Variants in ITPK1 observed in about 807,000 individuals in gnomAD.
The protein encoded by ITPK1 is inositol-tetrakisphosphate 1-kinase.
In ITPK1, 21 loss-of-function variants were observed where a neutral mutation model predicts 45.3. The observed-to-expected ratio is 0.46, with a 90% CI of 0.33 to 0.67. The LOEUF (loss-of-function observed/expected upper bound fraction) is 0.67. ITPK1 is among the 30% of genes least tolerant of loss of function. The pLI, the probability that ITPK1 is intolerant of heterozygous loss-of-function variation, is 0.02. For missense variants in ITPK1, 474 were observed against 573.5 expected, an observed-to-expected ratio of 0.83 and a Z score of 1.77; for synonymous variants, 258 against 253.6, an observed-to-expected ratio of 1.02 and a Z score of -0.16.
chr14:92,974,895 G>C (rs117619788), intron 5 of ITPK1, among the ~76,000 whole-genome samples: 4,609 of 152,334 alleles, frequency 0.03, 90 homozygotes, highest in Non-Finnish European at 0.047. Flanking sequence ...AGGAGGAGCG[G>C]GGGTGTGAGA....
chr14:92,945,285 G>A (rs537908441), intron 10 of ITPK1, among the ~76,000 whole-genome samples: 11 of 152,344 alleles, frequency 7.2e-5, no homozygotes, highest in African/African-American at 1.4e-4. Flanking sequence ...TGCTGTGGCC[G>A]GTGCTGCTGA....
intron 3 of ITPK1, among the ~76,000 whole-genome samples, chr14:93,044,468 C>T (rs745550976): frequency 4.6e-5 from 7 of 152,360 alleles, no homozygotes; most frequent in Non-Finnish European, 8.8e-5. Context: ...CGAACACTGG[C>T]ATCCCTCTGC....
At chr14:93,115,447 G>C (rs1232697670) in intron 1 of ITPK1, 142 bp from the exon 2 acceptor site, 1 of 148,760 alleles carries the variant, frequency 6.7e-6, no homozygotes, top group African/African-American at 2.4e-5. Context: ...CCGCCCACCG[G>C]CTCGCGAGCG....
rs768949375 is a variant in ITPK1 at position 92,958,184 on chromosome 14, G to C, written c.670+17C>G. ...CCTGAGTCTTGCTCAGCCCAAGATGGTGAGAAGAGCAGTTACCTGATGTGC... is the reference window on the plus strand; with the variant it reads ...CCTGAGTCTTGCTCAGCCCAAGATGCTGAGAAGAGCAGTTACCTGATGTGC... On this transcript the variant is annotated intron_variant, in intron 8 of 10. Coordinates refer to ENST00000267615, the MANE Select transcript of ITPK1 (RefSeq NM_014216.6). This position sits in a 1 kb window ranked among gnomAD's most constrained non-coding sequence, Gnocchi z 4.4. 4.3e-6 allele frequency: 7 copies of C among 1,613,668 alleles called. No homozygotes were observed. Among genetic ancestry groups the C allele is most frequent in the Non-Finnish European group, 1.7e-6 (2 of 1,179,608 alleles).
intron 2 of ITPK1, among the ~76,000 whole-genome samples, chr14:93,092,951 A>G (rs1891923007): frequency 6.6e-6 from 1 of 152,188 alleles, no homozygotes; most frequent in Non-Finnish European, 1.5e-5. Context: ...GCGTGCCTCC[A>G]GGGTGCCCCA....
Position 93,076,701 on chromosome 14 carries a change from G to A in ITPK1, c.96-82C>T. On this transcript the variant is annotated intron_variant, in intron 2 of 10. Transcript: ENST00000267615. The surrounding 1 kb of genome is among the most constrained non-coding windows in gnomAD (Gnocchi z 4.3). Reference sequence around the variant, plus strand: ...CCGAAGGTTCCCGACAGCCGGCTGAGGGCAGGACCATGAGAGGGTTTCAGG... The same window carrying A: ...CCGAAGGTTCCCGACAGCCGGCTGAAGGCAGGACCATGAGAGGGTTTCAGG... 1 of 1,562,502 alleles carries A rather than the reference G, an allele frequency of 6.4e-7. No individual in the cohort carries two copies. The highest frequency in any genetic ancestry group is 1.1e-5 in the South Asian group (1 of 89,940).
intron 3 of ITPK1, among the ~76,000 whole-genome samples, chr14:93,050,188 C>T (rs928795391): frequency 6.6e-6 from 1 of 152,162 alleles, no homozygotes; most frequent in African/African-American, 2.4e-5. Flanking sequence ...GGGTTGCACT[C>T]GGTGCATTTT....
At chr14:92,956,439 T>C (rs553892068) in intron 8 of ITPK1, among the ~76,000 whole-genome samples, 1 of 152,228 alleles carries the variant, frequency 6.6e-6, no homozygotes, top group East Asian at 1.9e-4. Context: ...TCTCCTGGTA[T>C]GCATTTTATG....
chr14:93,026,723 G>C (rs895064878), intron 3 of ITPK1, among the ~76,000 whole-genome samples: 2 of 152,158 alleles, frequency 1.3e-5, no homozygotes, highest in Admixed American at 1.3e-4. Context: ...AACAAGAAGG[G>C]ACTGAATCAC....
chr14:92,988,737 C>T lies in ITPK1; in HGVS notation c.364+5143G>A, dbSNP rs576706527. Among the ~76,000 whole-genome samples the T allele has an allele frequency of 5.3e-5, 8 of 152,324 alleles. No individual in the cohort carries two copies. In the East Asian group the frequency reaches 1.2e-3, roughly 22 times the overall value. ...GTGGATTCTGATCCCAAATCTGCCC[C>T]ACTAGCTCTGTGACCTCAAGTAACT... On this transcript the variant is annotated intron_variant, in intron 5 of 10. Transcript: ENST00000267615.
At chr14:92,954,035 A>G (rs1888083596) in intron 8 of ITPK1, among the ~76,000 whole-genome samples, 1 of 152,192 alleles carries the variant, frequency 6.6e-6, no homozygotes, top group Non-Finnish European at 1.5e-5. Context: ...GTGGGATTAC[A>G]GGCACCTGCC....
intron 2 of ITPK1, among the ~76,000 whole-genome samples, chr14:93,108,686 C>T (rs1246145648): frequency 6.6e-6 from 1 of 152,254 alleles, no homozygotes; most frequent in Non-Finnish European, 1.5e-5. Flanking sequence ...TTGGGACTGA[C>T]ATATTGAAAT....
rs1462731326 is a variant in ITPK1 at position 93,115,082 on chromosome 14, C to T, written c.82G>A (p.Ala28Thr). The T allele has an allele frequency of 1.3e-6, 2 of 1,599,146 alleles. No individual in the cohort carries two copies. The highest frequency in any genetic ancestry group is 2.3e-5 in the East Asian group (1 of 42,852). Reference protein sequence around the residue: ...KIKKLNFQAFAELCRKRGMEV... With the variant: ...KIKKLNFQAFTELCRKRGMEV... The stretch of plus-strand genomic sequence containing the variant: ...GTCCCTCCTTACCTGCACAGCTCGG[C>T]GAAGGCCTGGAAATTCAGCTTCTTG... Residue 28 changes from alanine to threonine, a missense_variant, in exon 2 of 11, where the codon GCC becomes ACC. Ala to Thr is a moderately conservative substitution (Grantham distance 58). Coordinates refer to ENST00000267615, the MANE Select transcript of ITPK1 (RefSeq NM_014216.6).
intron 5 of ITPK1, among the ~76,000 whole-genome samples, chr14:92,974,551 A>G (rs1180679171): frequency 6.6e-6 from 1 of 152,180 alleles, no homozygotes; most frequent in Non-Finnish European, 1.5e-5. Flanking sequence ...CGATGCATAC[A>G]TGTAGGACAC....
chr14:92,979,103 A>G (rs1315632399), intron 5 of ITPK1, among the ~76,000 whole-genome samples: 4 of 152,236 alleles, frequency 2.6e-5, no homozygotes, highest in African/African-American at 9.6e-5. Context: ...TGGATGTGAG[A>G]CATGGAGTCA....
chr14:93,073,324 G>A (rs1212848649), intron 3 of ITPK1, among the ~76,000 whole-genome samples: 1 of 152,222 alleles, frequency 6.6e-6, no homozygotes, highest in African/African-American at 2.4e-5. Flanking sequence ...AGGTGAAGAG[G>A]CACAGGGGTG....
intron 5 of ITPK1, among the ~76,000 whole-genome samples, chr14:92,972,038 C>G (rs1226095359): frequency 5.9e-5 from 9 of 152,174 alleles, no homozygotes; most frequent in Admixed American, 5.9e-4. Flanking sequence ...TCCAGGAAGC[C>G]CCTTGTTGGT....
chr14:93,084,453 T>C lies in ITPK1; in HGVS notation c.96-7834A>G, dbSNP rs185052522. Among the ~76,000 whole-genome samples, 6 of 152,328 alleles carry C rather than the reference T, an allele frequency of 3.9e-5. No individual in the cohort carries two copies. In the East Asian group the frequency reaches 1.2e-3, roughly 29 times the overall value. Reference sequence around the variant, plus strand: ...ATCCAGCACAAAAGGTCCACAGTGCTGAACTTAAGAAGTGGGATACACACT... The same window carrying C: ...ATCCAGCACAAAAGGTCCACAGTGCCGAACTTAAGAAGTGGGATACACACT... On this transcript the variant is annotated intron_variant, in intron 2 of 10. Transcript: ENST00000267615.
intron 3 of ITPK1, among the ~76,000 whole-genome samples, chr14:93,065,782 C>T (rs561886369): frequency 5.9e-5 from 9 of 152,286 alleles, no homozygotes; most frequent in Admixed American, 2.0e-4. Context: ...CCAGAAATAA[C>T]CTAGAACTTG....
Sources: allele counts gnomAD v4.1 joint callset (sites outside exome capture counted in the v4.1 genomes callset), GRCh38; gene constraint gnomAD v4.1.1; non-coding constraint Gnocchi (gnomAD v3.1); transcripts MANE v1.5; gene names NCBI Gene and HGNC (gene_info 2026-07-23, HGNC 2026-07-21).